USP7: variants seen among roughly 807,000 people sequenced by gnomAD.
USP7 encodes the protein ubiquitin specific peptidase 7, also known as ubiquitin C-terminal hydrolase 7.
A neutral mutation model predicts 162.9 loss-of-function variants in USP7; 9 were observed. The ratio of observed to expected loss-of-function variants is 0.06; its 90% CI spans 0.03 to 0.10. The LOEUF (loss-of-function observed/expected upper bound fraction) is 0.10. Among genes scored for constraint, USP7 ranks in the 10% least tolerant of loss-of-function variants. USP7 has a pLI of 1.00. For synonymous variants in USP7, 562 were observed against 475.9 expected (o/e 1.18, Z -2.35); for missense variants, 715 against 1,373.7 (o/e 0.52, Z 7.58).
intron 18 of USP7, 55 bp from the exon 19 acceptor site, chr16:8,901,289 A>C: frequency 8.5e-7 from 1 of 1,170,370 alleles, no homozygotes; most frequent in Non-Finnish European, 1.2e-6. Flanking sequence ...CACAATGCTT[A>C]AAAAACAAAA....
chr16:8,928,095 G>A (rs1023641832), intron 2 of USP7, among the ~76,000 whole-genome samples: 6 of 152,174 alleles, frequency 3.9e-5, no homozygotes, highest in Non-Finnish European at 8.8e-5. Context: ...ATACTTGCCC[G>A]AAATTCTATG....
At chr16:8,896,132 C>A (rs1054426756) in intron 26 of USP7, among the ~76,000 whole-genome samples, 7 of 147,182 alleles carry the variant, frequency 4.8e-5, no homozygotes, top group African/African-American at 9.9e-5. Context: ...AGCCACCATG[C>A]CCAGCTTTTT....
intron 1 of USP7, among the ~76,000 whole-genome samples, chr16:8,941,935 C>T (rs1008061357): frequency 1.3e-5 from 2 of 152,206 alleles, no homozygotes; most frequent in South Asian, 2.1e-4. Context: ...AGAGGGCAAA[C>T]GCACACAGTG....
chr16:8,960,912 T>C (rs925445145), intron 1 of USP7, among the ~76,000 whole-genome samples: 2 of 152,170 alleles, frequency 1.3e-5, no homozygotes, highest in South Asian at 2.1e-4. Flanking sequence ...CACAGCCTCA[T>C]GTGCTCACTA....
rs904912114 is a variant in USP7, at chr16:8,963,860, G to A, written c.-575C>T. ...GCTCCGGCAGCGGACGCGGCGCCCGGCAGCTCGGCTCGGCTCGCTCTCAAA... is the reference window on the plus strand; with the variant it reads ...GCTCCGGCAGCGGACGCGGCGCCCGACAGCTCGGCTCGGCTCGCTCTCAAA... On this transcript the variant is annotated 5_prime_UTR_variant, in exon 1 of 31. Transcript: ENST00000344836. 2.0e-5 allele frequency among the ~76,000 whole-genome samples: 3 copies of A among 146,936 alleles called. No individual in the cohort carries two copies. Among genetic ancestry groups the A allele is most frequent in the African/African-American group, 4.9e-5 (2 of 40,950 alleles).
chr16:8,923,093 A>C, intron 3 of USP7, 122 bp downstream of exon 3: 1 of 730,446 alleles, frequency 1.4e-6, no homozygotes, highest in South Asian at 1.8e-5. Context: ...GTGGGTTTTA[A>C]AGAGAAACAC....
At chr16:8,955,389 C>G (rs537308869) in intron 1 of USP7, among the ~76,000 whole-genome samples, 1 of 150,970 alleles carries the variant, frequency 6.6e-6, no homozygotes, top group East Asian at 2.0e-4. Flanking sequence ...GGATTACAGG[C>G]ATAAGCCACC....
intron 2 of USP7, among the ~76,000 whole-genome samples, chr16:8,925,626 G>T (rs1897943842): frequency 1.3e-5 from 2 of 152,142 alleles, no homozygotes; most frequent in South Asian, 4.1e-4. Flanking sequence ...CTGCTGCCCA[G>T]CCCCGCAGAG....
chr16:8,902,288 A>C, intron 17 of USP7, 93 bp downstream of exon 17: 1 of 1,578,148 alleles, frequency 6.3e-7, no homozygotes, highest in Non-Finnish European at 8.7e-7. Context: ...AATTCTAGTT[A>C]AGTGGACCAA....
intron 1 of USP7, among the ~76,000 whole-genome samples, chr16:8,939,444 G>A (rs1898930467): frequency 6.6e-6 from 1 of 152,218 alleles, no homozygotes; most frequent in Admixed American, 6.5e-5. Context: ...TGACATCTGG[G>A]TCCTTTCCAG....
intron 2 of USP7, among the ~76,000 whole-genome samples, chr16:8,927,053 G>A (rs866753463): frequency 5.9e-5 from 9 of 152,204 alleles, no homozygotes; most frequent in Admixed American, 1.3e-4. Flanking sequence ...AGTGGCTCAC[G>A]CCTGTAATCC....
chr16:8,951,376 T>C (rs920900519), intron 1 of USP7, among the ~76,000 whole-genome samples: 1 of 152,130 alleles, frequency 6.6e-6, no homozygotes, highest in African/African-American at 2.4e-5. Flanking sequence ...GCTGTCATCT[T>C]AAAGAAACTA....
intron 15 of USP7, 34 bp from the exon 16 acceptor site, chr16:8,903,436 G>C (rs1201879917): frequency 1.8e-5 from 28 of 1,597,398 alleles, no homozygotes; most frequent in Non-Finnish European, 2.4e-5. Flanking sequence ...GAAAAGACTT[G>C]ACAACTGACA....
At chr16:8,921,011 A>T in intron 4 of USP7, 146 bp downstream of exon 4, 1 of 921,948 alleles carries the variant, frequency 1.1e-6, no homozygotes, top group Non-Finnish European at 1.6e-6. Context: ...ACGAAACTGG[A>T]GAAAACATGT....
At chr16:8,920,064 T>G (rs1897603884) in intron 5 of USP7, among the ~76,000 whole-genome samples, 2 of 152,226 alleles carry the variant, frequency 1.3e-5, no homozygotes, top group South Asian at 4.1e-4. Context: ...TGGGTATTTA[T>G]GTACCGGTCT....
chr16:8,895,748 A>C lies in USP7; in HGVS notation c.2820-7T>G. ...GCTTACAATTTCTAGCAGCCTGAAC[A>C]GAGAGGAAAAAAAAATAGGGCAAAA... is the stretch of plus-strand genomic sequence containing the variant. On this transcript the variant is annotated splice_polypyrimidine_tract_variant and splice_region_variant and intron_variant, in intron 26 of 30. Coordinates refer to ENST00000344836, the MANE Select transcript of USP7 (RefSeq NM_003470.3). The C allele has an allele frequency of 6.3e-7, 1 of 1,593,166 alleles. No individual in the cohort carries two copies. The highest frequency in any genetic ancestry group is 8.5e-7 in the Non-Finnish European group (1 of 1,170,298).
intron 3 of USP7, among the ~76,000 whole-genome samples, chr16:8,922,874 A>G (rs1406895243): frequency 6.6e-6 from 1 of 152,202 alleles, no homozygotes; most frequent in East Asian, 1.9e-4. Context: ...TAGCTATCAC[A>G]CAATGGAAAG....
Position 8,930,283 on chromosome 16 carries a change from A to G in USP7, c.184+10T>C. On this transcript the variant is annotated intron_variant, in intron 2 of 30. Coordinates refer to ENST00000344836, the MANE Select transcript of USP7 (RefSeq NM_003470.3). ...CGCCCACTGCGAGGCGGTGAACCAC[A>G]GGCACTTACCATCCTCCATGTCCTC... 6.2e-7 allele frequency: 1 copy of G among 1,604,186 alleles called. No homozygotes were observed. Among genetic ancestry groups the G allele is most frequent in the Middle Eastern group, 1.7e-4 (1 of 6,012 alleles).
chr16:8,941,809 C>A (rs1204996408), intron 1 of USP7, among the ~76,000 whole-genome samples: 2 of 152,176 alleles, frequency 1.3e-5, no homozygotes, highest in Non-Finnish European at 2.9e-5. Context: ...TCCAAGCCTC[C>A]GTCTCTGACA....
Sources: gnomAD v4.1 joint callset for allele counts (sites outside exome capture counted in the v4.1 genomes callset) on GRCh38, gnomAD v4.1.1 for gene constraint, MANE v1.5 for transcripts, NCBI Gene and HGNC (gene_info 2026-07-23, HGNC 2026-07-21) for gene names.